The following CECR2 variants were observed in gnomAD, a reference collection of about 807,000 sequenced individuals.
CECR2 encodes the protein chromatin remodeling regulator CECR2.
A neutral mutation model predicts 154.5 loss-of-function variants in CECR2; 30 were observed. The observed-to-expected ratio is 0.19, with a 90% confidence interval of 0.15 to 0.26. The LOEUF (loss-of-function observed/expected upper bound fraction) is 0.26. Ranked by LOEUF, CECR2 falls within the 10% of genes least tolerant of loss-of-function variation. The pLI is 1.00. For missense variants in CECR2, 1,743 were observed against 1,829.3 expected (o/e 0.95, Z 0.86); for synonymous variants, 725 against 683.7 (o/e 1.06, Z -0.94).
At chr22:17,446,514 G>A (rs993013600) in intron 1 of CECR2, among the ~76,000 whole-genome samples, 2 of 152,100 alleles carry the variant, frequency 1.3e-5, no homozygotes, top group Non-Finnish European at 2.9e-5. Flanking sequence ...TCAGGGGATC[G>A]AGACCATCCT....
intron 1 of CECR2, among the ~76,000 whole-genome samples, chr22:17,406,521 G>C (rs1184647791): frequency 6.6e-6 from 1 of 152,088 alleles, no homozygotes; most frequent in Non-Finnish European, 1.5e-5. Context: ...ACAGGATTCT[G>C]TTCCTCCCCC....
chr22:17,500,201 AC>A (rs1347322664), intron 4 of CECR2, among the ~76,000 whole-genome samples: 2 of 113,806 alleles, frequency 1.8e-5, no homozygotes, highest in African/African-American at 7.2e-5. Context: ...ACAGAGCGAG[AC>A]TCCATCAAAA....
At chr22:17,469,618 A>C (rs2055091585) in intron 1 of CECR2, among the ~76,000 whole-genome samples, 1 of 148,910 alleles carries the variant, frequency 6.7e-6, no homozygotes. Flanking sequence ...TTCCAGTAAG[A>C]ATCCAGTTCT....
At chr22:17,390,478 A>G (rs1223301385) in intron 1 of CECR2, among the ~76,000 whole-genome samples, 1 of 152,198 alleles carries the variant, frequency 6.6e-6, no homozygotes, top group Non-Finnish European at 1.5e-5. Flanking sequence ...GTGGGGAGAT[A>G]CTTTGCAAAC....
At chr22:17,362,304 A>T (rs1319931652) in intron 1 of CECR2, among the ~76,000 whole-genome samples, 3 of 152,138 alleles carry the variant, frequency 2.0e-5, no homozygotes, top group Non-Finnish European at 1.5e-5. Context: ...TCGGCCTCCG[A>T]AAGTGCTAGG....
chr22:17,548,037 G>A lies in CECR2; in HGVS notation c.2861-111G>A. The A allele has an allele frequency of 3.9e-6, 4 of 1,016,708 alleles. 1 individual carries two copies. The highest frequency in any genetic ancestry group is 5.6e-6 in the Non-Finnish European group (4 of 715,146). 63.0% of individuals were successfully genotyped at this position (1,016,708 alleles called of 1,614,324 possible). On this transcript the variant is annotated intron_variant, in intron 16 of 18. Coordinates refer to ENST00000262608, the MANE Select transcript of CECR2 (RefSeq NM_001290047.2). The stretch of plus-strand genomic sequence containing the variant: ...GGGACTCAAACAATTTCCAGGTGGG[G>A]CTTGAATCACCACACATCCACCTTA...
chr22:17,447,319 AT>A (rs1410193664), intron 1 of CECR2, among the ~76,000 whole-genome samples: 1 of 151,790 alleles, frequency 6.6e-6, no homozygotes, highest in Non-Finnish European at 1.5e-5. Flanking sequence ...CGCCCAGCTA[AT>A]TTTTTGTATT....
chr22:17,387,088 C>T (rs1452851445), intron 1 of CECR2, among the ~76,000 whole-genome samples: 1 of 152,014 alleles, frequency 6.6e-6, no homozygotes, highest in East Asian at 1.9e-4. Context: ...CTTTGTGATC[C>T]TTTTGTAATG....
chr22:17,413,752 C>G (rs1232275866), intron 1 of CECR2, among the ~76,000 whole-genome samples: 2 of 151,850 alleles, frequency 1.3e-5, no homozygotes, highest in South Asian at 2.1e-4. Context: ...TCTCAGCTCA[C>G]TGCAAGCTCC....
rs1319047157 is a variant in CECR2 at position 17,497,589 on chromosome 22, A to G, written c.405+3A>G. On this transcript the variant is annotated splice_donor_region_variant and intron_variant, in intron 3 of 18. Transcript: ENST00000262608. ...ACGATGTCTTCGATCTTCTAAAGGT[A>G]TGCTTAACTGGCGAACCTTTCCCTG... 10 of 1,612,842 alleles carry G rather than the reference A, an allele frequency of 6.2e-6. 1 individual carries two copies. The Admixed American group carries it at 1.0e-4, about 16-fold the overall frequency.
chr22:17,541,306 TAGTC>T (rs1331859658), intron 14 of CECR2, among the ~76,000 whole-genome samples: 4 of 152,024 alleles, frequency 2.6e-5, no homozygotes. Flanking sequence ...ATACAAAAAT[TAGTC>T]AGGTGTGGTG....
chr22:17,471,666 G>A (rs1369965837), intron 1 of CECR2, among the ~76,000 whole-genome samples: 1 of 152,008 alleles, frequency 6.6e-6, no homozygotes, highest in Admixed American at 6.6e-5. Flanking sequence ...CTCCCCGGTA[G>A]TTGGGATTAC....
chr22:17,413,520 G>A (rs1295417577), intron 1 of CECR2, among the ~76,000 whole-genome samples: 3 of 152,006 alleles, frequency 2.0e-5, no homozygotes, highest in South Asian at 2.1e-4. Context: ...AGGGAAAATA[G>A]GTAGAGTCCT....
Position 17,425,623 on chromosome 22 carries a change from A to AG in CECR2, c.127-51964dup, listed in dbSNP as rs1206446284. On this transcript the variant is annotated intron_variant, in intron 1 of 18. Transcript: ENST00000262608. The stretch of plus-strand genomic sequence containing the variant: ...CAGCAGAGCTTGAGTTAAATGTTGA[A>AG]GAAGCAAGTGTAGGAATTAGCTTGG... Among the ~76,000 whole-genome samples the AG allele has an allele frequency of 3.3e-5, 5 of 152,322 alleles. 1 individual carries two copies. The East Asian group carries it at 9.6e-4, about 29-fold the overall frequency.
intron 1 of CECR2, among the ~76,000 whole-genome samples, chr22:17,437,072 C>T (rs10460749): frequency 6.6e-6 from 1 of 152,072 alleles, no homozygotes; most frequent in Admixed American, 6.6e-5. Context: ...TCTCTTGCTG[C>T]AGTCTGATGA....
intron 1 of CECR2, among the ~76,000 whole-genome samples, chr22:17,360,214 C>A (rs12159574): frequency 1.2e-4 from 19 of 152,224 alleles, no homozygotes; most frequent in African/African-American, 4.1e-4. Flanking sequence ...TGATTAGTTA[C>A]GCAGAGCTGG....
At chr22:17,365,557 G>A (rs532957951), upstream of CECR2, among the ~76,000 whole-genome samples, 38 of 152,152 alleles carry the variant, frequency 2.5e-4, no homozygotes, top group South Asian at 7.7e-3. Flanking sequence ...TCAGCCAGGC[G>A]TGGTGGTGGG....
At chr22:17,535,490 T>C (rs2018666) in intron 9 of CECR2, among the ~76,000 whole-genome samples, 7,192 of 152,234 alleles carry the variant, frequency 0.047, 389 homozygotes, top group African/African-American at 0.13. Context: ...AATAACTTTG[T>C]TGATACTATT....
chr22:17,445,361 A>G (rs1170573383), intron 1 of CECR2, among the ~76,000 whole-genome samples: 1 of 152,042 alleles, frequency 6.6e-6, no homozygotes, highest in Non-Finnish European at 1.5e-5. Flanking sequence ...GAACTCATGA[A>G]TTGGATGCCA....
Sources: allele counts gnomAD v4.1 joint callset (sites outside exome capture counted in the v4.1 genomes callset), GRCh38; gene constraint gnomAD v4.1.1; transcripts MANE v1.5; gene names NCBI Gene and HGNC (gene_info 2026-07-23, HGNC 2026-07-21).